Variants in CYP4X1 observed in about 807,000 individuals in gnomAD.
CYP4X1 encodes the protein cytochrome P450 family 4 subfamily X member 1, also known as cytochrome P450 4X1.
CYP4X1 carries 44 observed loss-of-function variants against 57.9 expected under a neutral mutation model. The observed-to-expected ratio is 0.76, with a 90% confidence interval of 0.60 to 0.98. CYP4X1 has a LOEUF of 0.98. Ranked by LOEUF, CYP4X1 falls within the 50% of genes least tolerant of loss-of-function variation. The pLI is 0.00. For missense variants in CYP4X1, 532 were observed against 623.9 expected (o/e 0.85, Z 1.57); for synonymous variants, 227 against 228.6 (o/e 0.99, Z 0.06).
chr1:46,991,990 C>G, the CYP4X1 span, among the ~76,000 whole-genome samples: 2 of 152,222 alleles, frequency 1.3e-5, no homozygotes, highest in Admixed American at 1.3e-4. Context: ...CTCCTCTCCC[C>G]ACTCCCAGGA....
the CYP4X1 span, among the ~76,000 whole-genome samples, chr1:46,981,851 C>A: frequency 6.6e-6 from 1 of 151,998 alleles, no homozygotes; most frequent in Admixed American, 6.6e-5. Flanking sequence ...ATGAAGCTGG[C>A]AACCATCATT....
chr1:46,966,395 G>C, the CYP4X1 span, among the ~76,000 whole-genome samples: 1 of 152,176 alleles, frequency 6.6e-6, no homozygotes, highest in Admixed American at 6.5e-5. Context: ...TCTGACCCAA[G>C]GCCCTAGTGG....
chr1:47,032,405 CA>C (rs1644134443), intron 3 of CYP4X1, among the ~76,000 whole-genome samples: 1 of 152,052 alleles, frequency 6.6e-6, no homozygotes, highest in African/African-American at 2.4e-5. Flanking sequence ...TCATCTTTGA[CA>C]ATAAGGATGA....
At chr1:46,987,624 A>G in the CYP4X1 span, among the ~76,000 whole-genome samples, 1 of 152,220 alleles carries the variant, frequency 6.6e-6, no homozygotes, top group Non-Finnish European at 1.5e-5. Context: ...AATTGACCAC[A>G]TAATTGGAAA....
chr1:47,030,984 T>G (rs112750836), intron 2 of CYP4X1, among the ~76,000 whole-genome samples: 10 of 152,294 alleles, frequency 6.6e-5, no homozygotes, highest in African/African-American at 2.4e-4. Context: ...GCTAGTCATG[T>G]TCACCTGTTA....
rs1644107639 is a variant in CYP4X1 at position 47,029,908 on chromosome 1, C to G, written c.178-82C>G. The G allele has an allele frequency of 4.7e-6, 7 of 1,483,336 alleles. No individual in the cohort carries two copies. In the South Asian group the frequency reaches 6.5e-5, roughly 14 times the overall value. 91.9% of individuals were successfully genotyped at this position (1,483,336 alleles called of 1,614,324 possible). A position where few individuals can be genotyped will look rare whatever the true frequency, so the allele number is the denominator to read the frequency against. On this transcript the variant is annotated intron_variant, in intron 1 of 11. Transcript: ENST00000371901. ...GGCTCCTCTGCTTGTGTGACCTTAT[C>G]AGGTCCTGAACTCAGCTTGTGTCTA...
chr1:47,048,625 C>G lies in CYP4X1; in HGVS notation c.1268C>G (p.Pro423Arg), dbSNP rs1359129821. The part of the protein sequence containing the change: ...LHHNPAVWKN[P>R]KVFDPLRFSQ... ...CACAACCCTGCTGTCTGGAAAAACCCAAAGGTATGATTCTCTCTTGTACAT... is the reference window on the plus strand; with the variant it reads ...CACAACCCTGCTGTCTGGAAAAACCGAAAGGTATGATTCTCTCTTGTACAT... Residue 423 changes from proline (P) to arginine (R), a missense_variant, in exon 10 of 12, where the codon CCA becomes CGA. Pro to Arg is a moderately radical substitution (Grantham distance 103). Coordinates refer to ENST00000371901, the MANE Select transcript of CYP4X1 (RefSeq NM_178033.2). The G allele has an allele frequency of 6.2e-7, 1 of 1,611,778 alleles. No individual in the cohort carries two copies. The highest frequency in any genetic ancestry group is 1.3e-5 in the African/African-American group (1 of 74,738).
At chr1:46,992,419 T>C in the CYP4X1 span, among the ~76,000 whole-genome samples, 2 of 152,222 alleles carry the variant, frequency 1.3e-5, no homozygotes, top group Admixed American at 1.3e-4. Flanking sequence ...CCAGTCTGAC[T>C]TCCCCCAGTC....
At chr1:47,034,345 A>G (rs1043894996) in intron 4 of CYP4X1, among the ~76,000 whole-genome samples, 4 of 152,302 alleles carry the variant, frequency 2.6e-5, no homozygotes, top group Admixed American at 1.3e-4. Flanking sequence ...GCTGAAGAAC[A>G]TTCCTGTGAG....
chr1:46,973,088 T>C, the CYP4X1 span, among the ~76,000 whole-genome samples: 1 of 152,100 alleles, frequency 6.6e-6, no homozygotes, highest in South Asian at 2.1e-4. Flanking sequence ...ATAGCTCTTA[T>C]TTTTTTAGGT....
chr1:47,036,301 G>A (rs1469221834), intron 6 of CYP4X1, 130 bp downstream of exon 6: 1 of 1,139,704 alleles, frequency 8.8e-7, no homozygotes, highest in African/African-American at 1.6e-5. Flanking sequence ...TATAGACACT[G>A]CTCCAAAGAA....
At chr1:46,991,776 G>A in the CYP4X1 span, among the ~76,000 whole-genome samples, 2 of 152,256 alleles carry the variant, frequency 1.3e-5, no homozygotes, top group Admixed American at 6.5e-5. Context: ...GCTGGCCGGC[G>A]ACTCGGAGGG....
the CYP4X1 span, among the ~76,000 whole-genome samples, chr1:46,998,060 T>G: frequency 0.022 from 3,319 of 152,232 alleles, 70 homozygotes; most frequent in East Asian, 0.11. Context: ...TGAAAGGAGG[T>G]GTTTTTTATT....
chr1:47,054,591 T>G (rs1404452396), downstream of CYP4X1, among the ~76,000 whole-genome samples: 3 of 152,066 alleles, frequency 2.0e-5, no homozygotes, highest in East Asian at 5.8e-4. Context: ...CTCTTTTATT[T>G]CATTGAGCAG....
At chr1:47,007,271 A>T in the CYP4X1 span, among the ~76,000 whole-genome samples, 3 of 152,172 alleles carry the variant, frequency 2.0e-5, no homozygotes, top group African/African-American at 4.8e-5. Context: ...CTGTTCACCA[A>T]CATCCGCTGT....
the CYP4X1 span, among the ~76,000 whole-genome samples, chr1:46,966,587 T>C: frequency 6.6e-6 from 1 of 152,170 alleles, no homozygotes; most frequent in Non-Finnish European, 1.5e-5. Flanking sequence ...TCATTCTCCA[T>C]GGGCTGAATT....
At chr1:47,001,408 G>A in the CYP4X1 span, among the ~76,000 whole-genome samples, 3 of 152,206 alleles carry the variant, frequency 2.0e-5, no homozygotes, top group East Asian at 5.8e-4. Context: ...TAGTGTGGAG[G>A]CCAGTTCAGG....
chr1:46,993,446 C>A, the CYP4X1 span, among the ~76,000 whole-genome samples: 1 of 152,070 alleles, frequency 6.6e-6, no homozygotes, highest in Non-Finnish European at 1.5e-5. Flanking sequence ...GGGTATATAC[C>A]CAGTAATGGG....
chr1:47,048,140 T>C (rs995305907), intron 9 of CYP4X1, among the ~76,000 whole-genome samples: 2 of 151,686 alleles, frequency 1.3e-5, no homozygotes, highest in Admixed American at 1.3e-4. Flanking sequence ...TCCTGCCTAC[T>C]TGGGGGACTG....
Sources: allele counts gnomAD v4.1 joint callset (sites outside exome capture counted in the v4.1 genomes callset), GRCh38; gene constraint gnomAD v4.1.1; transcripts MANE v1.5; gene names NCBI Gene and HGNC (gene_info 2026-07-23, HGNC 2026-07-21).